The following GALNT13 variants were observed in gnomAD, a reference collection of about 807,000 sequenced individuals.
GALNT13 encodes the protein polypeptide N-acetylgalactosaminyltransferase 13, also known as UDP-GalNAc:polypeptide N-acetylgalactosaminyltransferase 13.
In GALNT13, 28 loss-of-function variants were observed where a neutral mutation model predicts 64.2. The ratio of observed to expected loss-of-function variants is 0.44; its 90% CI spans 0.32 to 0.60. The LOEUF is 0.60. Ranked by LOEUF, GALNT13 falls within the 20% of genes least tolerant of loss-of-function variation. GALNT13 has a pLI of 0.05. For synonymous variants in GALNT13, 214 were observed against 224.6 expected, an observed-to-expected ratio of 0.95 and a Z score of 0.42; for missense variants, 577 against 669.8, an observed-to-expected ratio of 0.86 and a Z score of 1.53.
chr2:154,404,906 A>G (rs1181322032), intron 10 of GALNT13, among the ~76,000 whole-genome samples: 1 of 152,102 alleles, frequency 6.6e-6, no homozygotes, highest in East Asian at 1.9e-4. Context: ...TGGTCTTTTG[A>G]TCAATCATTT....
the GALNT13 span, among the ~76,000 whole-genome samples, chr2:153,223,080 C>T: frequency 2.0e-5 from 3 of 152,200 alleles, no homozygotes; most frequent in African/African-American, 7.2e-5. Flanking sequence ...CCGCCGCTGC[C>T]GTCATTTAAA....
At chr2:153,511,731 A>C in the GALNT13 span, among the ~76,000 whole-genome samples, 1 of 152,250 alleles carries the variant, frequency 6.6e-6, no homozygotes, top group Non-Finnish European at 1.5e-5. Context: ...TTGCCAAGTG[A>C]GTACTATAAA....
At chr2:153,329,349 C>G in the GALNT13 span, among the ~76,000 whole-genome samples, 2 of 152,152 alleles carry the variant, frequency 1.3e-5, no homozygotes, top group Non-Finnish European at 2.9e-5. Context: ...GAGAAATTGC[C>G]AAACTGCTTT....
At chr2:154,263,573 G>C (rs923309806) in intron 8 of GALNT13, among the ~76,000 whole-genome samples, 1 of 152,150 alleles carries the variant, frequency 6.6e-6, no homozygotes, top group Non-Finnish European at 1.5e-5. Flanking sequence ...ATTATACTAA[G>C]TGTTAGTTGA....
At chr2:154,271,889 A>T (rs939430781) in intron 8 of GALNT13, among the ~76,000 whole-genome samples, 19 of 151,930 alleles carry the variant, frequency 1.3e-4, no homozygotes, top group African/African-American at 4.6e-4. Context: ...ACAGTATTAG[A>T]TGTCTCTATA....
chr2:153,282,911 T>C, the GALNT13 span, among the ~76,000 whole-genome samples: 1 of 152,254 alleles, frequency 6.6e-6, no homozygotes, highest in Non-Finnish European at 1.5e-5. Flanking sequence ...GGGCAGAATC[T>C]TTTGGCCTTG....
chr2:153,514,080 A>T, the GALNT13 span, among the ~76,000 whole-genome samples: 1 of 151,882 alleles, frequency 6.6e-6, no homozygotes, highest in Non-Finnish European at 1.5e-5. Flanking sequence ...AATTCTGGGG[A>T]ATTCATTTTT....
At chr2:154,318,699 T>C (rs549149198) in intron 9 of GALNT13, among the ~76,000 whole-genome samples, 162 of 148,916 alleles carry the variant, frequency 1.1e-3, no homozygotes, top group Middle Eastern at 6.9e-3. Context: ...CACTCCAGCC[T>C]GGATGACAGA....
At chr2:154,408,338 A>G (rs1365431687) in intron 10 of GALNT13, among the ~76,000 whole-genome samples, 1 of 152,082 alleles carries the variant, frequency 6.6e-6, no homozygotes, top group Non-Finnish European at 1.5e-5. Flanking sequence ...TGTAGTCAGC[A>G]ATTCAATCTT....
At chr2:153,917,570 A>G (rs1477048203) in intron 2 of GALNT13, among the ~76,000 whole-genome samples, 1 of 152,188 alleles carries the variant, frequency 6.6e-6, no homozygotes, top group Admixed American at 6.6e-5. Flanking sequence ...AATGCTGAAA[A>G]GTGCAATAAA....
chr2:153,715,814 T>TTTC, the GALNT13 span, among the ~76,000 whole-genome samples: 311 of 150,722 alleles, frequency 2.1e-3, 3 homozygotes, highest in African/African-American at 6.5e-3. Context: ...AGCTCCCTCT[T>TTTC]TTCTTCTTCT....
intron 3 of GALNT13, among the ~76,000 whole-genome samples, chr2:154,038,580 A>G (rs192441872): frequency 6.6e-6 from 1 of 152,226 alleles, no homozygotes; most frequent in Non-Finnish European, 1.5e-5. Flanking sequence ...ACGTAAGTAG[A>G]CTCCTGCCAC....
chr2:153,133,849 G>GCTCTT, the GALNT13 span, among the ~76,000 whole-genome samples: 1 of 152,184 alleles, frequency 6.6e-6, no homozygotes. Flanking sequence ...GTAACTGGAA[G>GCTCTT]ATAAGAGCTG....
chr2:154,291,731 C>A (rs954497515), intron 8 of GALNT13, among the ~76,000 whole-genome samples: 4 of 152,266 alleles, frequency 2.6e-5, no homozygotes, highest in African/African-American at 9.6e-5. Context: ...TTGGCCAGCC[C>A]CAGAGAGGGG....
chr2:153,521,839 A>G, the GALNT13 span, among the ~76,000 whole-genome samples: 3 of 152,166 alleles, frequency 2.0e-5, no homozygotes, highest in Non-Finnish European at 4.4e-5. Flanking sequence ...TATGCATTTT[A>G]TGGTCCTCTG....
the GALNT13 span, among the ~76,000 whole-genome samples, chr2:153,844,457 C>T: frequency 6.6e-6 from 1 of 152,164 alleles, no homozygotes; most frequent in Admixed American, 6.5e-5. Flanking sequence ...TGGACCAGGG[C>T]AACAAAATCA....
At chr2:154,395,880 T>C (rs989742745) in intron 9 of GALNT13, 111 bp from the exon 10 acceptor site, 13 of 944,746 alleles carry the variant, frequency 1.4e-5, no homozygotes, top group Non-Finnish European at 1.8e-5. Flanking sequence ...GCATATGCAA[T>C]TGAATTTGCT....
chr2:153,327,637 C>T, the GALNT13 span, among the ~76,000 whole-genome samples: 2 of 151,818 alleles, frequency 1.3e-5, no homozygotes, highest in African/African-American at 2.4e-5. Context: ...TGTTTTTCAG[C>T]TCCATTAGAT....
At chr2:153,085,171 A>G in the GALNT13 span, among the ~76,000 whole-genome samples, 4 of 152,142 alleles carry the variant, frequency 2.6e-5, no homozygotes, top group Non-Finnish European at 5.9e-5. Flanking sequence ...GGGTATCTGG[A>G]GGAAGAACGT....
Sources: allele counts gnomAD v4.1 joint callset (sites outside exome capture counted in the v4.1 genomes callset), GRCh38; gene constraint gnomAD v4.1.1; transcripts MANE v1.5; gene names NCBI Gene and HGNC (gene_info 2026-07-23, HGNC 2026-07-21).